GABRA3: variants seen among roughly 807,000 people sequenced by gnomAD.
GABRA3 encodes the protein gamma-aminobutyric acid type A receptor subunit alpha3, also known as gamma-aminobutyric acid receptor subunit alpha-3.
In GABRA3, 10 loss-of-function variants were observed where a neutral mutation model predicts 30.1. The observed-to-expected ratio is 0.33, with a 90% CI of 0.20 to 0.56. The LOEUF (loss-of-function observed/expected upper bound fraction) is 0.56, where lower values mean the gene tolerates loss of function less well. GABRA3 is among the 20% of genes least tolerant of loss of function. The probability of loss-of-function intolerance (pLI) is 0.89; values close to 1 mark genes in which losing one functional copy is unlikely to be tolerated. For missense variants in GABRA3, 233 were observed against 392.0 expected (o/e 0.59, Z 3.42); for synonymous variants, 151 against 146.8 (o/e 1.03, Z -0.21).
chrX:152,242,488 C>T (rs182738251), intron 5 of GABRA3, among the ~76,000 whole-genome samples: 168 of 111,461 alleles, frequency 1.5e-3, no homozygotes, highest in Non-Finnish European at 2.7e-3. Context: ...ACCTATGGAA[C>T]GGGAGAAAAT....
intron 9 of GABRA3, among the ~76,000 whole-genome samples, chrX:152,182,663 G>GTA (rs1307445778): frequency 4.0e-5 from 3 of 75,101 alleles, no homozygotes; most frequent in African/African-American, 5.2e-5. Flanking sequence ...CATATATAGT[G>GTA]TATATATACA....
chrX:152,278,656 C>T (rs1238470749), intron 4 of GABRA3, among the ~76,000 whole-genome samples: 1 of 111,306 alleles, frequency 9.0e-6, no homozygotes, highest in Admixed American at 9.6e-5. Flanking sequence ...AATGGTATTT[C>T]TAGTTCTAGA....
chrX:152,200,352 G>C (rs775109887), intron 7 of GABRA3, among the ~76,000 whole-genome samples: 1 of 111,941 alleles, frequency 8.9e-6, no homozygotes, highest in African/African-American at 3.2e-5. Context: ...GGTCATCCAA[G>C]GCTCAATATA....
chrX:152,234,960 T>C (rs1938168353), intron 5 of GABRA3, among the ~76,000 whole-genome samples: 1 of 111,849 alleles, frequency 8.9e-6, no homozygotes, highest in African/African-American at 3.2e-5. Flanking sequence ...TTGTGCTCTT[T>C]TGTGGTTCTA....
At chrX:152,384,603 C>T (rs1196782851) in intron 1 of GABRA3, among the ~76,000 whole-genome samples, 1 of 111,860 alleles carries the variant, frequency 8.9e-6, no homozygotes, top group Non-Finnish European at 1.9e-5. Flanking sequence ...CCATAGTATA[C>T]AAAAATGTAT....
Position 152,284,665 on chromosome X carries a change from T to C in GABRA3, c.330+3A>G, listed in dbSNP as rs1396135307. ...TTTTACATTTACCTTTGCAAGAACT[T>C]ACCATGTCAGTGTCTGACACAGGGC... On this transcript the variant is annotated splice_donor_region_variant and intron_variant, in intron 4 of 9. Transcript: ENST00000370314. The C allele has an allele frequency of 8.6e-7, 1 of 1,166,936 alleles. No homozygotes were observed. Among genetic ancestry groups the C allele is most frequent in the African/African-American group, 1.8e-5 (1 of 56,098 alleles).
At chrX:152,174,835 C>T (rs1937052043) in intron 9 of GABRA3, among the ~76,000 whole-genome samples, 1 of 111,908 alleles carries the variant, frequency 8.9e-6, no homozygotes, top group Non-Finnish European at 1.9e-5. Flanking sequence ...GTTGCCATTG[C>T]TTTTGGTGTT....
chrX:152,275,240 T>TATATATATAA (rs1569378362), intron 4 of GABRA3, among the ~76,000 whole-genome samples: 2 of 48,060 alleles, frequency 4.2e-5, no homozygotes, highest in African/African-American at 2.5e-4. Context: ...TATATATATT[T>TATATATATAA]TATTATATAT....
At chrX:152,293,812 G>A (rs140086237) in intron 3 of GABRA3, among the ~76,000 whole-genome samples, 222 of 111,372 alleles carry the variant, frequency 2.0e-3, no homozygotes, top group African/African-American at 7.0e-3. Flanking sequence ...CTCTTGTAAG[G>A]CAGGCCTGGT....
chrX:152,360,726 T>TAAAAAAAAAAAAAAA (rs1204355242), intron 2 of GABRA3, among the ~76,000 whole-genome samples: 2 of 45,984 alleles, frequency 4.3e-5, no homozygotes, highest in Non-Finnish European at 8.4e-5. Flanking sequence ...AAAAAAAAAT[T>TAAAAAAAAAAAAAAA]AAAAAAAAAA....
intron 6 of GABRA3, among the ~76,000 whole-genome samples, chrX:152,215,420 T>C (rs1167182774): frequency 9.0e-6 from 1 of 111,271 alleles, no homozygotes; most frequent in Non-Finnish European, 1.9e-5. Flanking sequence ...ACCGTGTTTT[T>C]TGTCCTTCAT....
chrX:152,372,986 T>C (rs1320688360), intron 1 of GABRA3, among the ~76,000 whole-genome samples: 1 of 111,743 alleles, frequency 8.9e-6, no homozygotes, highest in Non-Finnish European at 1.9e-5. Context: ...ACAGTCCTTC[T>C]TATTTGAGGT....
At chrX:152,289,092 G>A (rs1008841605) in intron 3 of GABRA3, among the ~76,000 whole-genome samples, 3 of 108,506 alleles carry the variant, frequency 2.8e-5, no homozygotes, top group Non-Finnish European at 3.8e-5. Context: ...CAGTACTTCT[G>A]CTTGCTGCTA....
intron 1 of GABRA3, among the ~76,000 whole-genome samples, chrX:152,380,226 C>T (rs139357968): frequency 9.3e-4 from 104 of 111,451 alleles, no homozygotes; most frequent in African/African-American, 3.3e-3. Flanking sequence ...TCTGAAACAT[C>T]GTACCCTTTG....
chrX:152,227,571 G>A (rs1937987207), intron 5 of GABRA3, among the ~76,000 whole-genome samples: 1 of 102,736 alleles, frequency 9.7e-6, no homozygotes, highest in Non-Finnish European at 2.0e-5. Flanking sequence ...AAGTTAAATT[G>A]TATAAACTCA....
At chrX:152,336,722 G>A (rs941659959) in intron 3 of GABRA3, among the ~76,000 whole-genome samples, 125 of 111,792 alleles carry the variant, frequency 1.1e-3, no homozygotes, top group African/African-American at 3.9e-3. Context: ...GTAATTTGGA[G>A]TCTTCAGAAG....
At chrX:152,237,681 G>A (rs1303536000) in intron 5 of GABRA3, among the ~76,000 whole-genome samples, 1 of 106,202 alleles carries the variant, frequency 9.4e-6, no homozygotes, top group East Asian at 3.0e-4. Context: ...GCAGTGGTTT[G>A]TGGTTCTCCT....
chrX:152,248,409 T>C (rs1938495368), intron 5 of GABRA3, among the ~76,000 whole-genome samples: 2 of 111,587 alleles, frequency 1.8e-5, no homozygotes, highest in Non-Finnish European at 3.8e-5. Flanking sequence ...CATCTTCTAC[T>C]GACTTAATAC....
chrX:152,223,459 C>T (rs751124848), intron 6 of GABRA3, among the ~76,000 whole-genome samples: 1 of 110,716 alleles, frequency 9.0e-6, no homozygotes, highest in Non-Finnish European at 1.9e-5. Context: ...TTCATTTTTC[C>T]TTAGAATATA....
Sources: gnomAD v4.1 joint callset for allele counts (sites outside exome capture counted in the v4.1 genomes callset) on GRCh38, gnomAD v4.1.1 for gene constraint, MANE v1.5 for transcripts, NCBI Gene and HGNC (gene_info 2026-07-23, HGNC 2026-07-21) for gene names.